GLIS3: variants seen among roughly 807,000 people sequenced by gnomAD.
GLIS3 encodes zinc finger protein GLIS3.
A neutral mutation model predicts 78.6 loss-of-function variants in GLIS3; 53 were observed. The ratio of observed to expected loss-of-function variants is 0.67; its 90% CI spans 0.54 to 0.85. GLIS3 has a LOEUF of 0.85. Ranked by LOEUF, GLIS3 falls within the 40% of genes least tolerant of loss-of-function variation. The pLI is 0.00. For missense variants in GLIS3, 1,703 were observed against 1,231.1 expected, an observed-to-expected ratio of 1.38 and a Z score of -5.74; for synonymous variants, 684 against 509.9, an observed-to-expected ratio of 1.34 and a Z score of -4.60.
At chr9:4,213,023 G>A (rs537793725) in intron 2 of GLIS3, among the ~76,000 whole-genome samples, 3 of 152,140 alleles carry the variant, frequency 2.0e-5, no homozygotes, top group South Asian at 2.1e-4. Flanking sequence ...ACCTGGGCTG[G>A]AGAAGAGGCA....
At chr9:4,350,124 A>T (rs1379715196), upstream of GLIS3, among the ~76,000 whole-genome samples, 1 of 152,192 alleles carries the variant, frequency 6.6e-6, no homozygotes, top group East Asian at 1.9e-4. Flanking sequence ...CAGGCATAGG[A>T]GTTCCATCAC....
chr9:3,991,962 T>C (rs1410449563), intron 4 of GLIS3, among the ~76,000 whole-genome samples: 1 of 152,168 alleles, frequency 6.6e-6, no homozygotes, highest in Non-Finnish European at 1.5e-5. Context: ...AGTGCTGGGA[T>C]TACAGGCATG....
intron 2 of GLIS3, among the ~76,000 whole-genome samples, chr9:4,266,696 T>C (rs909393064): frequency 6.6e-6 from 1 of 152,130 alleles, no homozygotes; most frequent in African/African-American, 2.4e-5. Flanking sequence ...ATGATAATGA[T>C]ACATAGTTAT....
At chr9:4,051,327 G>T (rs562171958) in intron 4 of GLIS3, among the ~76,000 whole-genome samples, 2 of 152,314 alleles carry the variant, frequency 1.3e-5, no homozygotes, top group African/African-American at 4.8e-5. Flanking sequence ...GGGATAGGGG[G>T]TTGCCACTTA....
chr9:4,024,695 A>G (rs1823176464), intron 4 of GLIS3, among the ~76,000 whole-genome samples: 1 of 152,226 alleles, frequency 6.6e-6, no homozygotes. Context: ...GGGCAAAGAC[A>G]GAGGCCAGGA....
At chr9:4,372,217 C>G in the GLIS3 span, among the ~76,000 whole-genome samples, 1 of 152,320 alleles carries the variant, frequency 6.6e-6, no homozygotes, top group Admixed American at 6.5e-5. Flanking sequence ...ACCACCCGTG[C>G]AGTTGCCAGG....
At chr9:4,017,786 T>A (rs1822557334) in intron 4 of GLIS3, among the ~76,000 whole-genome samples, 1 of 152,168 alleles carries the variant, frequency 6.6e-6, no homozygotes, top group Non-Finnish European at 1.5e-5. Context: ...TGGTAGTTTT[T>A]CAACAATATT....
intron 4 of GLIS3, among the ~76,000 whole-genome samples, chr9:4,093,953 G>C (rs990320228): frequency 6.6e-6 from 1 of 152,138 alleles, no homozygotes; most frequent in African/African-American, 2.4e-5. Context: ...GTATTGAATC[G>C]ATAATTTGCT....
intron 1 of GLIS3, among the ~76,000 whole-genome samples, chr9:4,296,945 TCTC>T (rs1210757447): frequency 1.4e-5 from 2 of 146,320 alleles, no homozygotes; most frequent in African/African-American, 5.0e-5. Flanking sequence ...AATCTAACAC[TCTC>T]CTGTCTAAAT....
intron 2 of GLIS3, among the ~76,000 whole-genome samples, chr9:4,212,792 G>T (rs562281273): frequency 6.6e-6 from 1 of 152,300 alleles, no homozygotes; most frequent in South Asian, 2.1e-4. Flanking sequence ...GAGGCAATGA[G>T]TAGAAGAGAA....
chr9:4,271,641 C>G (rs1403218678), intron 2 of GLIS3, among the ~76,000 whole-genome samples: 1 of 152,160 alleles, frequency 6.6e-6, no homozygotes, highest in Non-Finnish European at 1.5e-5. Flanking sequence ...GAGACACCCC[C>G]CTGGATTTTT....
intron 4 of GLIS3, among the ~76,000 whole-genome samples, chr9:4,062,988 A>G (rs1032030242): frequency 6.6e-6 from 1 of 152,118 alleles, no homozygotes; most frequent in African/African-American, 2.4e-5. Flanking sequence ...AACGACACAA[A>G]TTCTTATTGC....
At chr9:4,363,481 G>A in the GLIS3 span, among the ~76,000 whole-genome samples, 1 of 152,114 alleles carries the variant, frequency 6.6e-6, no homozygotes, top group Non-Finnish European at 1.5e-5. Context: ...TAGGATAAGT[G>A]ATTAAAATTA....
intron 8 of GLIS3, among the ~76,000 whole-genome samples, chr9:3,869,764 A>G (rs1820855410): frequency 6.6e-6 from 1 of 152,224 alleles, no homozygotes; most frequent in South Asian, 2.1e-4. Context: ...ACATGGCAGT[A>G]TGGAGGTCAC....
chr9:3,931,737 T>G (rs2130776082), intron 6 of GLIS3, among the ~76,000 whole-genome samples: 1 of 152,314 alleles, frequency 6.6e-6, no homozygotes, highest in East Asian at 1.9e-4. Flanking sequence ...CTAACATTTC[T>G]TCCAAATCTA....
At chr9:3,861,391 C>T (rs1017714787) in intron 8 of GLIS3, among the ~76,000 whole-genome samples, 3 of 152,064 alleles carry the variant, frequency 2.0e-5, no homozygotes, top group Non-Finnish European at 4.4e-5. Context: ...CCATTTGACC[C>T]AGAAATCCCA....
In GLIS3 at chr9:4,111,410, C is replaced by T. The variant is rs149814987; in HGVS notation, c.1710+6358G>A. On this transcript the variant is annotated intron_variant, in intron 4 of 10. Transcript: ENST00000381971. ...TTGAAATGTTTGCCCAAATCTGCTA[C>T]GAATTTATTTTAAGGACAAAGTTCA... Among the ~76,000 whole-genome samples the T allele has an allele frequency of 1.4e-4, 22 of 152,278 alleles. No individual in the cohort carries two copies. In the East Asian group the frequency reaches 2.9e-3, roughly 20 times the overall value.
intron 8 of GLIS3, among the ~76,000 whole-genome samples, chr9:3,858,171 A>G (rs1037009068): frequency 3.3e-5 from 5 of 152,158 alleles, no homozygotes; most frequent in Non-Finnish European, 7.4e-5. Context: ...CAAAGATGCA[A>G]CTTGCTCTAG....
chr9:4,385,270 C>G, the GLIS3 span, among the ~76,000 whole-genome samples: 1 of 152,146 alleles, frequency 6.6e-6, no homozygotes, highest in East Asian at 1.9e-4. Flanking sequence ...TTTCCCAACC[C>G]CAAAGATAGA....
Sources: gnomAD v4.1 joint callset for allele counts (sites outside exome capture counted in the v4.1 genomes callset) on GRCh38, gnomAD v4.1.1 for gene constraint, MANE v1.5 for transcripts, NCBI Gene and HGNC (gene_info 2026-07-23, HGNC 2026-07-21) for gene names.